Variants in SGK1 observed in about 807,000 individuals in gnomAD.
SGK1 encodes serine/threonine-protein kinase Sgk1.
A neutral mutation model predicts 64.2 loss-of-function variants in SGK1; 26 were observed. The observed-to-expected ratio is 0.40, with a 90% CI of 0.30 to 0.56. The LOEUF is 0.56. Ranked by LOEUF, SGK1 falls within the 20% of genes least tolerant of loss-of-function variation. The pLI is 0.38. For missense variants in SGK1, 519 were observed against 645.6 expected, an observed-to-expected ratio of 0.80 and a Z score of 2.12; for synonymous variants, 265 against 239.7, an observed-to-expected ratio of 1.11 and a Z score of -0.98.
chr6:134,188,977 C>T (rs1354946168), intron 3 of SGK1, among the ~76,000 whole-genome samples: 3 of 147,352 alleles, frequency 2.0e-5, no homozygotes, highest in Non-Finnish European at 4.4e-5. Context: ...AGCTCCTGGG[C>T]TCAAGTGATC....
chr6:134,248,163 T>C (rs1376819557), intron 2 of SGK1, among the ~76,000 whole-genome samples: 1 of 152,058 alleles, frequency 6.6e-6, no homozygotes, highest in African/African-American at 2.4e-5. Context: ...TTAGTGTAGT[T>C]GATTAAAGCA....
At chr6:134,215,226 G>T (rs1257509457) in intron 2 of SGK1, 4 of 386,448 alleles carry the variant, frequency 1.0e-5, no homozygotes, top group Admixed American at 3.2e-5. Flanking sequence ...AGCAATTCTC[G>T]TGCCTCAGCC....
intron 3 of SGK1, chr6:134,175,455 C>G (rs1017857757): frequency 1.3e-5 from 17 of 1,320,752 alleles, no homozygotes; most frequent in Non-Finnish European, 1.6e-5. Context: ...GACCCCGGCC[C>G]CGAGAACTCC....
intron 1 of SGK1, among the ~76,000 whole-genome samples, chr6:134,309,492 C>T (rs1288384191): frequency 6.6e-6 from 1 of 152,160 alleles, no homozygotes; most frequent in African/African-American, 2.4e-5. Flanking sequence ...TAAGCCTGCT[C>T]TTAGACCAAG....
chr6:134,288,615 T>C (rs954922116), intron 1 of SGK1, among the ~76,000 whole-genome samples: 6 of 152,192 alleles, frequency 3.9e-5, no homozygotes, highest in African/African-American at 1.4e-4. Flanking sequence ...TGAGGGAGCC[T>C]CTGTGAATCA....
chr6:134,191,299 A>G (rs1775505198), intron 3 of SGK1, among the ~76,000 whole-genome samples: 1 of 152,182 alleles, frequency 6.6e-6, no homozygotes, highest in South Asian at 2.1e-4. Context: ...AAAAATCTTA[A>G]GAAACAGGAA....
intron 3 of SGK1, among the ~76,000 whole-genome samples, chr6:134,204,983 C>A (rs2114680933): frequency 6.8e-6 from 1 of 146,248 alleles, no homozygotes; most frequent in East Asian, 2.0e-4. Flanking sequence ...TTCTTTCTTT[C>A]TTTCTTTCTC....
intron 5 of SGK1, 24 bp downstream of exon 5, chr6:134,173,981 T>G: frequency 1.3e-6 from 2 of 1,554,316 alleles, no homozygotes; most frequent in Non-Finnish European, 1.8e-6. Context: ...TCTCCACAGA[T>G]GCACGGCACA....
rs761135414 is a variant in SGK1, at chr6:134,172,126, G to A, written c.1071+67C>T. On this transcript the variant is annotated intron_variant, in intron 10 of 13. Transcript: ENST00000367858. ...AGTTTACTCTTTTTGGTAGTTAAGT[G>A]CATGATTGTACATCTCTCTCTTGGA... 473 of 1,566,950 alleles carry A rather than the reference G, an allele frequency of 3.0e-4. 1 individual carries two copies. Among genetic ancestry groups the A allele is most frequent in the Non-Finnish European group, 3.9e-4 (452 of 1,150,552 alleles).
At chr6:134,253,521 A>C (rs1249012322) in intron 2 of SGK1, among the ~76,000 whole-genome samples, 1 of 152,076 alleles carries the variant, frequency 6.6e-6, no homozygotes, top group African/African-American at 2.4e-5. Context: ...TTAGCTGGGC[A>C]TGGTGGTGAA....
intron 1 of SGK1, among the ~76,000 whole-genome samples, chr6:134,264,861 T>C (rs1266781413): frequency 6.6e-6 from 1 of 152,144 alleles, no homozygotes; most frequent in Non-Finnish European, 1.5e-5. Context: ...TTGCCCAGAC[T>C]GGTCTTAAAC....
chr6:134,294,860 G>A (rs1777321981), intron 1 of SGK1, among the ~76,000 whole-genome samples: 1 of 152,304 alleles, frequency 6.6e-6, no homozygotes, highest in East Asian at 1.9e-4. Flanking sequence ...AGATAACAAA[G>A]TCTAGAGGAA....
At chr6:134,220,660 C>T (rs1418106062) in intron 2 of SGK1, among the ~76,000 whole-genome samples, 1 of 152,034 alleles carries the variant, frequency 6.6e-6, no homozygotes, top group Non-Finnish European at 1.5e-5. Flanking sequence ...GGGTTAGGGC[C>T]TCTAAGTTTT....
chr6:134,295,788 C>G (rs1777339600), intron 1 of SGK1, among the ~76,000 whole-genome samples: 1 of 151,626 alleles, frequency 6.6e-6, no homozygotes, highest in Non-Finnish European at 1.5e-5. Flanking sequence ...AGGACAGTAG[C>G]AAGAGGCCAT....
chr6:134,193,831 A>AG (rs1247010136), intron 3 of SGK1, among the ~76,000 whole-genome samples: 2 of 41,930 alleles, frequency 4.8e-5, no homozygotes, highest in African/African-American at 1.1e-4. Flanking sequence ...AGGAGAGGGG[A>AG]GGGAAGGGGA....
At chr6:134,251,180 A>T (rs1395726621) in intron 2 of SGK1, among the ~76,000 whole-genome samples, 1 of 152,218 alleles carries the variant, frequency 6.6e-6, no homozygotes, top group Non-Finnish European at 1.5e-5. Context: ...TTAACAACCC[A>T]AGAAAAATAT....
At chr6:134,316,836 A>C (rs1214762492) in intron 1 of SGK1, among the ~76,000 whole-genome samples, 1 of 150,558 alleles carries the variant, frequency 6.6e-6, no homozygotes, top group African/African-American at 2.4e-5. Context: ...TAAATGCTGG[A>C]TTCCATCATT....
At chr6:134,170,725 C>T (rs1163821612) in intron 13 of SGK1, 101 bp downstream of exon 13, 2 of 830,642 alleles carry the variant, frequency 2.4e-6, no homozygotes, top group African/African-American at 1.7e-5. Flanking sequence ...ATGGAGAAAA[C>T]ATCTGCCAAT....
chr6:134,230,478 C>G (rs1286357175), intron 2 of SGK1: 1 of 152,186 alleles, frequency 6.6e-6, no homozygotes, highest in Non-Finnish European at 1.5e-5. Context: ...GCCTTCCTCA[C>G]AAGGCGGCCG....
Sources: gnomAD v4.1 joint callset for allele counts (sites outside exome capture counted in the v4.1 genomes callset) on GRCh38, gnomAD v4.1.1 for gene constraint, MANE v1.5 for transcripts, NCBI Gene and HGNC (gene_info 2026-07-23, HGNC 2026-07-21) for gene names.